Variants in ADCY8 observed in about 807,000 individuals in gnomAD.
The protein encoded by ADCY8 is adenylate cyclase type 8.
Under a neutral mutation model 119.7 loss-of-function variants are expected in ADCY8, and 51 were observed. The observed-to-expected ratio is 0.43, with a 90% CI of 0.34 to 0.54. The LOEUF (loss-of-function observed/expected upper bound fraction) is 0.54. Ranked by LOEUF, ADCY8 falls within the 20% of genes least tolerant of loss-of-function variation. The probability of loss-of-function intolerance (pLI) is 0.03; values close to 1 mark genes in which losing one functional copy is unlikely to be tolerated. For missense variants in ADCY8, 1,383 were observed against 1,598.8 expected (o/e 0.87, Z 2.30); for synonymous variants, 665 against 651.0 (o/e 1.02, Z -0.33).
chr8:130,853,149 T>C (rs1183083600), intron 9 of ADCY8, among the ~76,000 whole-genome samples: 1 of 152,204 alleles, frequency 6.6e-6, no homozygotes, highest in Non-Finnish European at 1.5e-5. Context: ...TAAAGGTCAG[T>C]ATATATGCAC....
intron 10 of ADCY8, 24 bp from the exon 11 acceptor site, chr8:130,847,537 A>AG: frequency 6.6e-7 from 1 of 1,518,186 alleles, no homozygotes; most frequent in Non-Finnish European, 9.0e-7. Flanking sequence ...AAAAAAAAAA[A>AG]AGAACAACAA....
At chr8:130,922,957 G>A (rs1369945153) in intron 5 of ADCY8, among the ~76,000 whole-genome samples, 1 of 152,222 alleles carries the variant, frequency 6.6e-6, no homozygotes, top group Non-Finnish European at 1.5e-5. Context: ...TGGTATTTGT[G>A]AAGTAATTCA....
chr8:130,903,540 AAAG>A (rs1383435006), intron 7 of ADCY8, among the ~76,000 whole-genome samples: 13 of 151,076 alleles, frequency 8.6e-5, no homozygotes, highest in Admixed American at 7.3e-4. Flanking sequence ...AAAAAAAAAA[AAAG>A]AGAGAGAGAG....
intron 7 of ADCY8, among the ~76,000 whole-genome samples, chr8:130,898,580 G>A (rs1399561548): frequency 6.6e-6 from 1 of 152,182 alleles, no homozygotes; most frequent in Admixed American, 6.5e-5. Flanking sequence ...GCCTAGCGGA[G>A]TAACAGAAAC....
At chr8:130,924,647 C>G (rs563782308) in intron 5 of ADCY8, among the ~76,000 whole-genome samples, 2 of 152,280 alleles carry the variant, frequency 1.3e-5, no homozygotes, top group East Asian at 3.9e-4. Context: ...TCCAGCACTA[C>G]ACAGCTCCAA....
chr8:130,782,684 G>T (rs1014657950), intron 17 of ADCY8, among the ~76,000 whole-genome samples: 8 of 152,214 alleles, frequency 5.3e-5, no homozygotes, highest in African/African-American at 1.9e-4. Context: ...ATTGATGGAA[G>T]ATGTGGGAAC....
intron 10 of ADCY8, among the ~76,000 whole-genome samples, 173 bp from the exon 11 acceptor site, chr8:130,847,686 C>G (rs1157439753): frequency 6.6e-6 from 1 of 152,124 alleles, no homozygotes. Context: ...GCCAAAGTGC[C>G]AGCTTTGATT....
intron 5 of ADCY8, among the ~76,000 whole-genome samples, chr8:130,921,616 G>A (rs1273148425): frequency 1.3e-5 from 2 of 151,756 alleles, no homozygotes; most frequent in Non-Finnish European, 2.9e-5. Flanking sequence ...ACCATGCCTG[G>A]CTAATTTTGT....
rs576592874 is a variant in ADCY8 at position 130,806,840 on chromosome 8, A to G, written c.2914-6268T>C. 2.6e-5 allele frequency among the ~76,000 whole-genome samples: 4 copies of G among 152,038 alleles called. No individual in the cohort carries two copies. In the South Asian group the frequency reaches 8.4e-4, roughly 32 times the overall value. On this transcript the variant is annotated intron_variant, in intron 14 of 17. Transcript: ENST00000286355. ...ATGTAGATGAGCCCTCTCACCCGTG[A>G]CCCCTCAGGAAGAGCAGAGAGAAGA...
intron 1 of ADCY8, among the ~76,000 whole-genome samples, chr8:130,992,731 A>G (rs1031341083): frequency 6.6e-6 from 1 of 152,092 alleles, no homozygotes; most frequent in Non-Finnish European, 1.5e-5. Flanking sequence ...AAATTTTTAA[A>G]TGATTTATGA....
chr8:130,974,482 C>T (rs746082880), intron 2 of ADCY8, among the ~76,000 whole-genome samples: 13 of 152,058 alleles, frequency 8.5e-5, no homozygotes, highest in Non-Finnish European at 1.8e-4. Flanking sequence ...GTGGATCATA[C>T]CCAGCAGGCA....
At chr8:130,913,447 G>A (rs1223543540) in intron 5 of ADCY8, among the ~76,000 whole-genome samples, 1 of 152,074 alleles carries the variant, frequency 6.6e-6, no homozygotes, top group Non-Finnish European at 1.5e-5. Flanking sequence ...TGTGATGTTT[G>A]TCTGGATATT....
chr8:130,919,560 T>G (rs541400149), intron 5 of ADCY8, among the ~76,000 whole-genome samples: 85 of 152,356 alleles, frequency 5.6e-4, no homozygotes, highest in African/African-American at 2.0e-3. Context: ...ATTTGTGATG[T>G]CTGTCAACTT....
At chr8:130,958,741 G>A (rs930999458) in intron 2 of ADCY8, among the ~76,000 whole-genome samples, 5 of 152,158 alleles carry the variant, frequency 3.3e-5, no homozygotes, top group Non-Finnish European at 7.3e-5. Context: ...CTTGACATGT[G>A]AGGATTATTA....
intron 12 of ADCY8, among the ~76,000 whole-genome samples, chr8:130,829,273 T>G (rs1056394379): frequency 6.6e-6 from 1 of 152,200 alleles, no homozygotes. Flanking sequence ...GGTCAAAATC[T>G]TGTAGCCTCT....
chr8:130,886,162 G>A (rs1818973665), intron 7 of ADCY8, among the ~76,000 whole-genome samples: 1 of 152,008 alleles, frequency 6.6e-6, no homozygotes, highest in African/African-American at 2.4e-5. Context: ...AGCTTCTAAA[G>A]CATTCTATAG....
At chr8:131,003,946 T>G (rs1364377557) in intron 1 of ADCY8, among the ~76,000 whole-genome samples, 1 of 152,086 alleles carries the variant, frequency 6.6e-6, no homozygotes, top group Non-Finnish European at 1.5e-5. Context: ...CCTCAAATAT[T>G]TACTTATTTA....
rs150532814 is a variant in ADCY8, at chr8:130,891,055, T to C, written c.1912-6294A>G. Among the ~76,000 whole-genome samples, 470 of 152,264 alleles carry C rather than the reference T, an allele frequency of 3.1e-3. 6 individuals are homozygous for C. Among genetic ancestry groups the C allele is most frequent in the African/African-American group, 0.011 (438 of 41,570 alleles). ...TAACCTTTCCCAAAGACTCTGCTTA[T>C]TTTCAGTTTCAGGCTGGAATCTTCA... On this transcript the variant is annotated intron_variant, in intron 7 of 17. Transcript: ENST00000286355.
intron 1 of ADCY8, among the ~76,000 whole-genome samples, chr8:130,999,503 G>C (rs1014538039): frequency 6.6e-6 from 1 of 152,142 alleles, no homozygotes; most frequent in Admixed American, 6.5e-5. Context: ...TCCCCAGAGT[G>C]GAGGTGGGAA....
Sources: gnomAD v4.1 joint callset for allele counts (sites outside exome capture counted in the v4.1 genomes callset) on GRCh38, gnomAD v4.1.1 for gene constraint, MANE v1.5 for transcripts, NCBI Gene and HGNC (gene_info 2026-07-23, HGNC 2026-07-21) for gene names.